The following ZMYM4 variants were observed in gnomAD, a reference collection of about 807,000 sequenced individuals.
The protein encoded by ZMYM4 is zinc finger MYM-type containing 4.
In ZMYM4, 31 loss-of-function variants were observed where a neutral mutation model predicts 183.2. That is an observed-to-expected ratio of 0.17 (90% CI 0.13 to 0.23). The LOEUF (loss-of-function observed/expected upper bound fraction) is 0.23, where lower values mean the gene tolerates loss of function less well. Ranked by LOEUF, ZMYM4 falls within the 10% of genes least tolerant of loss-of-function variation. ZMYM4 has a pLI of 1.00. For synonymous variants in ZMYM4, 592 were observed against 631.2 expected (o/e 0.94, Z 0.93); for missense variants, 1,273 against 1,840.3 (o/e 0.69, Z 5.64).
chr1:35,343,654 C>G (rs1195418080), intron 2 of ZMYM4, among the ~76,000 whole-genome samples: 2 of 152,056 alleles, frequency 1.3e-5, no homozygotes, highest in East Asian at 1.9e-4. Context: ...TGCCTGAGGT[C>G]AGGAGTTCGA....
Position 35,268,887 on chromosome 1 carries a change from C to A in ZMYM4, c.-160C>A. 4.1e-6 allele frequency: 3 copies of A among 731,260 alleles called. No individual in the cohort carries two copies. The highest frequency in any genetic ancestry group is 5.7e-6 in the Non-Finnish European group (3 of 528,182). The allele number at this position is 731,260 out of a possible 1,614,324, so 45.3% of individuals were successfully genotyped here. ...GGATCTCAGAAGCTGCGGCCCGGCG[C>A]GCGGCATCCGCCCCCTCCCCACTCT... is the stretch of plus-strand genomic sequence containing the variant. On this transcript the variant is annotated 5_prime_UTR_variant, in exon 1 of 30. Coordinates refer to ENST00000314607, the MANE Select transcript of ZMYM4 (RefSeq NM_005095.3).
chr1:35,345,079 G>T (rs888468172), intron 2 of ZMYM4, among the ~76,000 whole-genome samples: 5 of 152,196 alleles, frequency 3.3e-5, no homozygotes, highest in Non-Finnish European at 4.4e-5. Flanking sequence ...CACAGTTAAA[G>T]TATGGTAGCC....
intron 25 of ZMYM4, among the ~76,000 whole-genome samples, chr1:35,407,204 C>T (rs546602019): frequency 1.1e-4 from 17 of 152,006 alleles, no homozygotes; most frequent in African/African-American, 3.4e-4. Flanking sequence ...GAGGCCGAGG[C>T]GGGCGGATCA....
chr1:35,370,505 T>C lies in ZMYM4; in HGVS notation c.1059T>C (p.Thr353=). Residue 353 remains threonine, a synonymous_variant, in exon 7 of 30, where the codon ACT becomes ACC. Coordinates refer to ENST00000314607, the MANE Select transcript of ZMYM4 (RefSeq NM_005095.3). The stretch of plus-strand genomic sequence containing the variant: ...AAAAAATCCTCCAGAAGGGGCAAAC[T>C]GCTTATCAGAGGAAAGGGTCTACTC... ...GCKKILQKGQ[T]AYQRKGSTQL... 6.2e-7 allele frequency: 1 copy of C among 1,613,872 alleles called. No homozygotes were observed.
At chr1:35,394,093 C>T (rs1386611785) in intron 18 of ZMYM4, among the ~76,000 whole-genome samples, 1 of 150,698 alleles carries the variant, frequency 6.6e-6, no homozygotes, top group African/African-American at 2.4e-5. Context: ...TGAACTACTC[C>T]ACAGTCTCTT....
chr1:35,385,097 G>A (rs1416305107), intron 9 of ZMYM4, among the ~76,000 whole-genome samples: 1 of 151,986 alleles, frequency 6.6e-6, no homozygotes, highest in Non-Finnish European at 1.5e-5. Flanking sequence ...CACCCACCTC[G>A]GCCTCCCGAT....
Position 35,419,539 on chromosome 1 carries a change from C to T in ZMYM4, c.4509C>T (p.Ser1503=), listed in dbSNP as rs1166328891. 2 of 1,614,014 alleles carry T rather than the reference C, an allele frequency of 1.2e-6. No homozygotes were observed. Among genetic ancestry groups the T allele is most frequent in the South Asian group, 2.2e-5 (2 of 91,080 alleles). Reference sequence around the variant, plus strand: ...CTGAGCGCTCCTGTGTCCCGAATAGCCCCATGTGGTACTCCACATTCCCGA... The same window carrying T: ...CTGAGCGCTCCTGTGTCCCGAATAGTCCCATGTGGTACTCCACATTCCCGA... ...LQPERSCVPN[S]PMWYSTFPID... is the part of the protein sequence containing the mutation. The change falls in exon 30 of 30, where the codon AGC becomes AGT. Residue 1503 remains serine, a synonymous_variant. Transcript: ENST00000314607.
chr1:35,305,848 G>A (rs1349395823), intron 1 of ZMYM4, among the ~76,000 whole-genome samples: 3 of 152,066 alleles, frequency 2.0e-5, no homozygotes, highest in Non-Finnish European at 4.4e-5. Flanking sequence ...TGTGCTGGGT[G>A]CATACTTTCT....
At chr1:35,288,151 G>T (rs575704980) in intron 1 of ZMYM4, among the ~76,000 whole-genome samples, 12 of 152,208 alleles carry the variant, frequency 7.9e-5, no homozygotes, top group African/African-American at 2.9e-4. Flanking sequence ...AAACATTTTT[G>T]ATGTTCTACT....
At chr1:35,415,385 C>T in intron 27 of ZMYM4, 81 bp from the exon 28 acceptor site, 1 of 1,552,362 alleles carries the variant, frequency 6.4e-7, no homozygotes, top group Non-Finnish European at 8.8e-7. Context: ...TTTATATCTC[C>T]CTGTCTTAGA....
chr1:35,286,183 A>C (rs1427721164), intron 1 of ZMYM4, among the ~76,000 whole-genome samples: 10 of 152,250 alleles, frequency 6.6e-5, no homozygotes, highest in Non-Finnish European at 1.5e-5. Flanking sequence ...CAAGTTAGTA[A>C]GAAATTCAGC....
At position 35,358,944 on chromosome 1, in the gene ZMYM4, A is replaced by G. The variant is rs957248292; in HGVS notation, c.105A>G (p.Thr35=). The change falls in exon 3 of 30, where the codon ACA becomes ACG. Residue 35 remains threonine, a synonymous_variant. Transcript: ENST00000314607. ...IVENCGGIMD[T]EMSEDIDHNL... The stretch of plus-strand genomic sequence containing the variant: ...TTTAAGGTGGTGGTATCATGGATAC[A>G]GAAATGTCTGAAGATATAGACCACA... 4 of 1,612,446 alleles carry G rather than the reference A, an allele frequency of 2.5e-6. No individual in the cohort carries two copies. Among genetic ancestry groups the G allele is most frequent in the Non-Finnish European group, 1.7e-6 (2 of 1,178,996 alleles).
chr1:35,282,948 C>T (rs1393350765), intron 1 of ZMYM4, among the ~76,000 whole-genome samples: 2 of 145,106 alleles, frequency 1.4e-5, no homozygotes, highest in African/African-American at 5.1e-5. Flanking sequence ...TTTCTGCATC[C>T]TCACCAATAC....
intron 2 of ZMYM4, chr1:35,351,466 A>C (rs1212950380): frequency 6.4e-7 from 1 of 1,568,172 alleles, no homozygotes; most frequent in Non-Finnish European, 8.7e-7. Flanking sequence ...ATACGAGAGA[A>C]TCCAGTCTAT....
intron 5 of ZMYM4, among the ~76,000 whole-genome samples, chr1:35,367,118 C>T (rs1027393806): frequency 2.6e-5 from 4 of 151,884 alleles, no homozygotes; most frequent in African/African-American, 9.7e-5. Context: ...GAATAATAGG[C>T]ATGCACATAC....
chr1:35,413,096 G>A (rs1030895444), intron 26 of ZMYM4, among the ~76,000 whole-genome samples: 1 of 151,946 alleles, frequency 6.6e-6, no homozygotes, highest in Non-Finnish European at 1.5e-5. Context: ...AGGCTGAAGT[G>A]CAGTGATATG....
At chr1:35,273,307 G>T (rs114742379) in intron 1 of ZMYM4, among the ~76,000 whole-genome samples, 1 of 152,028 alleles carries the variant, frequency 6.6e-6, no homozygotes, top group African/African-American at 2.4e-5. Flanking sequence ...ACACTTTAAA[G>T]TTGGCATATT....
intron 7 of ZMYM4, among the ~76,000 whole-genome samples, chr1:35,371,349 C>A (rs954816461): frequency 3.3e-5 from 5 of 152,066 alleles, no homozygotes; most frequent in African/African-American, 1.2e-4. Context: ...ATCTCCTGAC[C>A]TCGTGATCTG....
In ZMYM4 at chr1:35,276,064, A is replaced by G. The variant is rs575565035; in HGVS notation, c.39+6979A>G. ...TGTTTTGTTTTGGTCTATCCAGCGT[A>G]TAGAACCCAGCACTGTCAGTTCTTT... On this transcript the variant is annotated intron_variant, in intron 1 of 29. Coordinates refer to ENST00000314607, the MANE Select transcript of ZMYM4 (RefSeq NM_005095.3). Among the ~76,000 whole-genome samples, 12 of 152,276 alleles carry G rather than the reference A, an allele frequency of 7.9e-5. 1 individual carries two copies. The South Asian group carries it at 2.3e-3, about 29-fold the overall frequency.
Sources: allele counts gnomAD v4.1 joint callset (sites outside exome capture counted in the v4.1 genomes callset), GRCh38; gene constraint gnomAD v4.1.1; transcripts MANE v1.5; gene names NCBI Gene and HGNC (gene_info 2026-07-23, HGNC 2026-07-21).